BIN3: variants seen among roughly 807,000 people sequenced by gnomAD.
BIN3 encodes bridging integrator 3.
Under a neutral mutation model 38.2 loss-of-function variants are expected in BIN3, and 41 were observed. That is an observed-to-expected ratio of 1.07 (90% confidence interval 0.84 to 1.39). BIN3 has a LOEUF of 1.39. Among genes scored for constraint, BIN3 ranks in the 40% most tolerant of loss-of-function variants. The probability of loss-of-function intolerance (pLI) is 0.00; values close to 1 mark genes in which losing one functional copy is unlikely to be tolerated. For synonymous variants in BIN3, 145 were observed against 122.6 expected (o/e 1.18, Z -1.21); for missense variants, 361 against 324.3 (o/e 1.11, Z -0.87).
rs1209403384 is a variant in BIN3 at position 22,660,932 on chromosome 8, T to C, written c.8+8112A>G. Among the ~76,000 whole-genome samples the C allele has an allele frequency of 3.9e-5, 6 of 152,366 alleles. No homozygotes were observed. In the East Asian group the frequency reaches 1.2e-3, roughly 29 times the overall value. ...ACAGGGTTTCCCTCTGTATCCAGGC[T>C]GAGGTGCAGTGGTGTGATCATAGCT... On this transcript the variant is annotated intron_variant, in intron 1 of 8. Transcript: ENST00000276416.
chr8:22,667,821 G>C (rs1228421674), intron 1 of BIN3, among the ~76,000 whole-genome samples: 1 of 152,196 alleles, frequency 6.6e-6, no homozygotes, highest in Non-Finnish European at 1.5e-5. Context: ...AAACAGGTGG[G>C]GGAGGGGACA....
intron 8 of BIN3, among the ~76,000 whole-genome samples, chr8:22,623,419 C>T (rs1801904513): frequency 6.6e-6 from 1 of 152,188 alleles, no homozygotes; most frequent in Non-Finnish European, 1.5e-5. Context: ...CTGATTGTGG[C>T]TCTCCCCAGG....
chr8:22,629,166 C>T (rs1020072698), intron 6 of BIN3, among the ~76,000 whole-genome samples: 4 of 152,236 alleles, frequency 2.6e-5, no homozygotes, highest in African/African-American at 7.2e-5. Context: ...CTCTCATTGC[C>T]GTGTGGGCCC....
In BIN3 at chr8:22,630,044, A is replaced by C. The variant is rs940252619; in HGVS notation, c.298-40T>G. On this transcript the variant is annotated intron_variant, in intron 5 of 8. Coordinates refer to ENST00000276416, the MANE Select transcript of BIN3 (RefSeq NM_018688.6). ...CCCAAAGACATTAAAACTGGTGGGG[A>C]GGGGAGGGCGACACGCAAGGCAGGG... The C allele has an allele frequency of 1.9e-6, 3 of 1,579,252 alleles. No individual in the cohort carries two copies. The African/African-American group carries it at 4.0e-5, about 21-fold the overall frequency.
chr8:22,645,654 T>G (rs1418137578), intron 1 of BIN3, among the ~76,000 whole-genome samples: 1 of 145,390 alleles, frequency 6.9e-6, no homozygotes, highest in Non-Finnish European at 1.5e-5. Context: ...AATAAAACCT[T>G]GTGTCTTGAG....
At position 22,630,576 on chromosome 8, in the gene BIN3, T is replaced by C. The variant is rs372191525; in HGVS notation, c.163A>G (p.Met55Val). The C allele has an allele frequency of 9.9e-6, 16 of 1,613,908 alleles. No homozygotes were observed. The highest frequency in any genetic ancestry group is 6.7e-5 in the East Asian group (3 of 44,888). Residue 55 changes from methionine to valine, a missense_variant and splice_region_variant, in exon 5 of 9, where the codon ATG becomes GTG. Met to Val is a conservative substitution (Grantham distance 21). Transcript: ENST00000276416. ...GATATCTTCACGGCAGATTTTGACA[T>C]GGCTGTGGGAAGCCAAAGCTCGGTG... ...MKKSTDADLA[M>V]SKSAVKISLD... is the part of the protein sequence containing the mutation.
intron 4 of BIN3, among the ~76,000 whole-genome samples, chr8:22,631,949 G>A (rs1055882530): frequency 1.3e-5 from 2 of 152,244 alleles, no homozygotes; most frequent in African/African-American, 4.8e-5. Context: ...CTGGAGAAGG[G>A]TCATGCTGGC....
chr8:22,642,855 G>A (rs1289801746), intron 2 of BIN3, among the ~76,000 whole-genome samples: 1 of 152,184 alleles, frequency 6.6e-6, no homozygotes, highest in Admixed American at 6.5e-5. Context: ...GAGAGCAGAT[G>A]CCATAATCAG....
At chr8:22,621,682 C>T in intron 8 of BIN3, 114 bp from the exon 9 acceptor site, 1 of 1,128,846 alleles carries the variant, frequency 8.9e-7, no homozygotes, top group Non-Finnish European at 1.3e-6. Flanking sequence ...TGGAGCTGTG[C>T]AGCAGCGTGC....
intron 2 of BIN3, among the ~76,000 whole-genome samples, chr8:22,643,162 T>C (rs185382857): frequency 2.0e-4 from 31 of 152,296 alleles, no homozygotes; most frequent in Non-Finnish European, 4.0e-4. Flanking sequence ...CTCTGGAGAC[T>C]CAAAGCCACA....
At chr8:22,649,385 CACACGAGAA>C (rs1802809879) in intron 1 of BIN3, among the ~76,000 whole-genome samples, 1 of 149,104 alleles carries the variant, frequency 6.7e-6, no homozygotes, top group Non-Finnish European at 1.5e-5. Context: ...GTAAAGTATT[CACACGAGAA>C]ACAGTAACTT....
intron 6 of BIN3, among the ~76,000 whole-genome samples, chr8:22,628,322 G>C (rs1802069617): frequency 6.6e-6 from 1 of 152,242 alleles, no homozygotes; most frequent in African/African-American, 2.4e-5. Context: ...AGGAAAGCTG[G>C]AGTTTCCTGT....
intron 6 of BIN3, 95 bp from the exon 7 acceptor site, chr8:22,624,458 G>C: frequency 6.6e-7 from 1 of 1,507,416 alleles, no homozygotes; most frequent in Non-Finnish European, 9.0e-7. Context: ...GGCTGGAGAT[G>C]GGTCCGCTCT....
At chr8:22,633,480 C>T (rs1802272584) in intron 4 of BIN3, among the ~76,000 whole-genome samples, 1 of 152,184 alleles carries the variant, frequency 6.6e-6, no homozygotes, top group Admixed American at 6.5e-5. Flanking sequence ...TGGACCCCAC[C>T]CGGGTCTCTG....
intron 2 of BIN3, among the ~76,000 whole-genome samples, chr8:22,642,306 C>T (rs1802588896): frequency 6.9e-6 from 1 of 144,292 alleles, no homozygotes; most frequent in Admixed American, 7.3e-5. Flanking sequence ...GCTGAGACAA[C>T]TGCACAGCCC....
intron 2 of BIN3, among the ~76,000 whole-genome samples, chr8:22,639,392 T>C (rs1802467349): frequency 6.6e-6 from 1 of 152,204 alleles, no homozygotes; most frequent in African/African-American, 2.4e-5. Flanking sequence ...CCATTATGCC[T>C]GGCTAATTTT....
At chr8:22,646,871 A>T (rs1257529896) in intron 1 of BIN3, among the ~76,000 whole-genome samples, 1 of 151,482 alleles carries the variant, frequency 6.6e-6, no homozygotes, top group Non-Finnish European at 1.5e-5. Context: ...CTCAAGGACC[A>T]TTCTGGAGAC....
At chr8:22,625,643 A>G (rs1801979760) in intron 6 of BIN3, 6 of 530,572 alleles carry the variant, frequency 1.1e-5, no homozygotes, top group African/African-American at 3.8e-5. Context: ...GCTGGAGTAC[A>G]GTGGTATGAT....
At chr8:22,626,550 C>T (rs1180477381) in intron 6 of BIN3, 1 of 152,286 alleles carries the variant, frequency 6.6e-6, no homozygotes, top group African/African-American at 2.4e-5. Flanking sequence ...TAGAAGCCAC[C>T]TGCTGCTTGG....
Sources: gnomAD v4.1 joint callset for allele counts (sites outside exome capture counted in the v4.1 genomes callset) on GRCh38, gnomAD v4.1.1 for gene constraint, MANE v1.5 for transcripts, NCBI Gene and HGNC (gene_info 2026-07-23, HGNC 2026-07-21) for gene names.